The following ATXN8OS variants were observed in gnomAD, a reference collection of about 807,000 sequenced individuals.
ATXN8OS encodes the protein ATXN8 opposite strand (non-protein coding).
At chr13:70,146,743 A>T (rs1417620924) in intron 3 of ATXN8OS, among the ~76,000 whole-genome samples, 1 of 139,904 alleles carries the variant, frequency 7.1e-6, no homozygotes, top group African/African-American at 2.7e-5. Context: ...GAAGGGGAAC[A>T]TCACACTCTG....
rs559506446 is a variant in ATXN8OS, at chr13:70,130,286, TAA to T, written n.499+406_499+407del. On this transcript the variant is annotated intron_variant and non_coding_transcript_variant, in intron 3 of 4. Transcript: ENST00000678624. ...AAATCCTGTGTAGGTCAGATGCAGT[TAA>T]AAACAAATAGGTCTTTACTCAACCA... Among the ~76,000 whole-genome samples the T allele has an allele frequency of 7.9e-3, 1,199 of 152,224 alleles. 7 individuals carry two copies. The highest frequency in any genetic ancestry group is 0.013 in the Non-Finnish European group (879 of 68,006).
chr13:70,153,499 C>T lies in ATXN8OS; in HGVS notation n.573+6071C>T, dbSNP rs556191226. On this transcript the variant is annotated intron_variant and non_coding_transcript_variant, in intron 4 of 4. Coordinates refer to ENST00000678624, the Ensembl canonical transcript of ATXN8OS. ...CTGAGGCAGGAGAATCGCATGAACCCGGGAGATGGAGGTTGCAGTGAGCCA... is the reference window on the plus strand; with the variant it reads ...CTGAGGCAGGAGAATCGCATGAACCTGGGAGATGGAGGTTGCAGTGAGCCA... Among the ~76,000 whole-genome samples, 98 of 152,150 alleles carry T rather than the reference C, an allele frequency of 6.4e-4. 1 individual carries two copies. The highest frequency in any genetic ancestry group is 2.1e-3 in the African/African-American group (88 of 41,496).
At chr13:70,147,444 T>C (rs1469688356) in intron 4 of ATXN8OS, among the ~76,000 whole-genome samples, 2 of 152,164 alleles carry the variant, frequency 1.3e-5, no homozygotes, top group Non-Finnish European at 2.9e-5. Flanking sequence ...TCTGTCATTA[T>C]ATAGATGGAG....
In ATXN8OS at chr13:70,139,511, A is replaced by T. The variant is rs1269794972; in HGVS notation, n.500-7844A>T. 7.5e-6 allele frequency: 4 copies of T among 535,236 alleles called. 1 individual carries two copies. Among genetic ancestry groups the T allele is most frequent in the East Asian group, 6.0e-5 (2 of 33,158 alleles). 33.2% of individuals were successfully genotyped at this position (535,236 alleles called of 1,614,324 possible). On this transcript the variant is annotated intron_variant and non_coding_transcript_variant, in intron 3 of 4. Coordinates refer to ENST00000678624, the Ensembl canonical transcript of ATXN8OS. The stretch of plus-strand genomic sequence containing the variant: ...TTTTCCACACTTCCTCATACTGCTT[A>T]TCTCTTACTTAAGAATTTATGAATA...
At chr13:70,165,319 A>G (rs1024264795) in intron 4 of ATXN8OS, among the ~76,000 whole-genome samples, 1 of 151,930 alleles carries the variant, frequency 6.6e-6, no homozygotes, top group Non-Finnish European at 1.5e-5. Context: ...AGAAATAGTG[A>G]TGAAAATGAA....
exon 5 of ATXN8OS, among the ~76,000 whole-genome samples, chr13:70,171,384 T>C (rs890256022): frequency 9.9e-5 from 15 of 152,132 alleles, no homozygotes; most frequent in Middle Eastern, 3.2e-3. Flanking sequence ...TTAGCATGAA[T>C]AGAGCTAGCA....
intron 4 of ATXN8OS, among the ~76,000 whole-genome samples, chr13:70,152,354 TG>T (rs1888879040): frequency 6.6e-6 from 1 of 151,922 alleles, no homozygotes; most frequent in African/African-American, 2.4e-5. Context: ...TACCTGTGTG[TG>T]TGTGTATATA....
intron 4 of ATXN8OS, among the ~76,000 whole-genome samples, chr13:70,166,325 C>T (rs945250891): frequency 6.6e-5 from 10 of 152,062 alleles, no homozygotes; most frequent in African/African-American, 2.2e-4. Context: ...GAGATATAGA[C>T]CAATGGAACA....
At chr13:70,153,996 T>G (rs535562762) in intron 4 of ATXN8OS, among the ~76,000 whole-genome samples, 1 of 152,258 alleles carries the variant, frequency 6.6e-6, no homozygotes, top group East Asian at 1.9e-4. Flanking sequence ...CTGTACTTAT[T>G]ACTCTTCTAA....
chr13:70,169,581 C>T (rs1268950307), intron 4 of ATXN8OS, among the ~76,000 whole-genome samples: 2 of 152,204 alleles, frequency 1.3e-5, no homozygotes, highest in African/African-American at 2.4e-5. Flanking sequence ...GGGTGAGCCA[C>T]GGCGCCCAGC....
At chr13:70,148,749 T>A (rs1200460662) in intron 4 of ATXN8OS, among the ~76,000 whole-genome samples, 2 of 152,102 alleles carry the variant, frequency 1.3e-5, no homozygotes, top group Non-Finnish European at 2.9e-5. Context: ...GTTTTTAGTC[T>A]CTATCAAGAA....
intron 3 of ATXN8OS, among the ~76,000 whole-genome samples, chr13:70,141,730 T>A (rs1364327172): frequency 6.6e-6 from 1 of 152,034 alleles, no homozygotes; most frequent in Non-Finnish European, 1.5e-5. Context: ...TTTTATTCAT[T>A]CATCAAAATG....
intron 2 of ATXN8OS, among the ~76,000 whole-genome samples, chr13:70,122,816 A>C (rs1414113596): frequency 6.6e-6 from 1 of 151,958 alleles, no homozygotes; most frequent in Non-Finnish European, 1.5e-5. Context: ...AATGAGAGGA[A>C]TATTATAAAA....
At chr13:70,145,823 T>A (rs302006) in intron 3 of ATXN8OS, among the ~76,000 whole-genome samples, 130,298 of 151,716 alleles carry the variant, frequency 0.86, 56,064 homozygotes, top group East Asian at 1. Context: ...AAGAAAACGT[T>A]GGCAATACCA....
intron 2 of ATXN8OS, among the ~76,000 whole-genome samples, chr13:70,127,657 T>A (rs981516444): frequency 2.4e-5 from 3 of 127,098 alleles, no homozygotes; most frequent in African/African-American, 8.5e-5. Context: ...GCCTGACATA[T>A]GAAAACAAAC....
chr13:70,122,828 T>C (rs1400602516), intron 2 of ATXN8OS, among the ~76,000 whole-genome samples: 1 of 151,958 alleles, frequency 6.6e-6, no homozygotes, highest in Admixed American at 6.6e-5. Flanking sequence ...ATTATAAAAA[T>C]CTACCAAAAT....
chr13:70,110,562 G>A lies in ATXN8OS; in HGVS notation n.240+2543G>A, dbSNP rs775732672. ...AGTGAGAAGGACGAGAAGAGAAGGAGAAAAAAGAAAGAGGGAGAGACTGCG... is the reference window on the plus strand; with the variant it reads ...AGTGAGAAGGACGAGAAGAGAAGGAAAAAAAAGAAAGAGGGAGAGACTGCG... On this transcript the variant is annotated intron_variant and non_coding_transcript_variant, in intron 1 of 4. Transcript: ENST00000678624. Among the ~76,000 whole-genome samples the A allele has an allele frequency of 8.6e-5, 13 of 151,386 alleles. 1 individual carries two copies. The highest frequency in any genetic ancestry group is 1.9e-4 in the Non-Finnish European group (13 of 67,838).
intron 3 of ATXN8OS, among the ~76,000 whole-genome samples, chr13:70,135,720 T>C (rs546550378): frequency 1.2e-3 from 190 of 152,312 alleles, no homozygotes; most frequent in African/African-American, 4.4e-3. Context: ...GGCAGAATTA[T>C]CTTGGTGACA....
At chr13:70,123,763 C>A (rs1234903480) in intron 2 of ATXN8OS, among the ~76,000 whole-genome samples, 1 of 151,998 alleles carries the variant, frequency 6.6e-6, no homozygotes, top group Non-Finnish European at 1.5e-5. Flanking sequence ...ACAGAAAATT[C>A]TCATAATAAA....
Sources: allele counts gnomAD v4.1 joint callset (sites outside exome capture counted in the v4.1 genomes callset), GRCh38; gene constraint gnomAD v4.1.1; transcripts MANE v1.5; gene names NCBI Gene and HGNC (gene_info 2026-07-23, HGNC 2026-07-21).